GRIN2A: variants seen among roughly 807,000 people sequenced by gnomAD.
GRIN2A encodes the protein glutamate receptor ionotropic, NMDA 2A.
GRIN2A carries 22 observed loss-of-function variants against 113.4 expected under a neutral mutation model. That is an observed-to-expected ratio of 0.19 (90% CI 0.14 to 0.28). The LOEUF is 0.28. GRIN2A is among the 10% of genes least tolerant of loss of function. The pLI is 1.00. For missense variants in GRIN2A, 1,502 were observed against 1,887.0 expected (o/e 0.80, Z 3.78); for synonymous variants, 827 against 738.4 (o/e 1.12, Z -1.94).
chr16:10,165,325 G>A (rs1472810477), intron 2 of GRIN2A, among the ~76,000 whole-genome samples: 1 of 151,724 alleles, frequency 6.6e-6, no homozygotes, highest in Admixed American at 6.6e-5. Context: ...ACAGACTAGA[G>A]GGAAATAAAC....
intron 11 of GRIN2A, among the ~76,000 whole-genome samples, chr16:9,773,093 G>A (rs1292716398): frequency 6.6e-6 from 1 of 151,956 alleles, no homozygotes; most frequent in East Asian, 1.9e-4. Flanking sequence ...CAAGTATATT[G>A]TAATCTCCTG....
chr16:9,985,049 C>G (rs555200582), intron 2 of GRIN2A, among the ~76,000 whole-genome samples: 1 of 152,294 alleles, frequency 6.6e-6, no homozygotes, highest in Non-Finnish European at 1.5e-5. Context: ...CGTGCACACA[C>G]ACACACACCG....
intron 2 of GRIN2A, among the ~76,000 whole-genome samples, chr16:10,076,741 C>T (rs374663490): frequency 6.6e-6 from 1 of 152,172 alleles, no homozygotes; most frequent in Non-Finnish European, 1.5e-5. Context: ...GTCGAGAGCA[C>T]TGTGAACATT....
intron 2 of GRIN2A, among the ~76,000 whole-genome samples, chr16:10,096,573 C>CACACACACACACACAT (rs1555478915): frequency 5.4e-5 from 8 of 149,266 alleles, no homozygotes; most frequent in African/African-American, 2.0e-4. Context: ...CACACACACA[C>CACACACACACACACAT]TTTACTCTCT....
At chr16:10,091,221 A>G (rs1242852187) in intron 2 of GRIN2A, among the ~76,000 whole-genome samples, 1 of 152,248 alleles carries the variant, frequency 6.6e-6, no homozygotes, top group Non-Finnish European at 1.5e-5. Context: ...ATTAAGATAT[A>G]CATCCACACA....
At chr16:10,037,087 A>ACATCCAT (rs1455487042) in intron 2 of GRIN2A, 1 of 151,818 alleles carries the variant, frequency 6.6e-6, no homozygotes, top group African/African-American at 2.4e-5. Context: ...TCTCATAGAC[A>ACATCCAT]CCTCCCTGGA....
intron 2 of GRIN2A, among the ~76,000 whole-genome samples, chr16:10,099,280 T>C (rs1460336582): frequency 6.6e-6 from 1 of 152,178 alleles, no homozygotes; most frequent in Non-Finnish European, 1.5e-5. Flanking sequence ...CTTGGTGTTT[T>C]CATTCCAGAA....
chr16:10,176,564 C>T (rs373694965), intron 2 of GRIN2A, among the ~76,000 whole-genome samples: 18 of 152,172 alleles, frequency 1.2e-4, no homozygotes, highest in African/African-American at 4.1e-4. Flanking sequence ...ACGGATGAAG[C>T]TGGAAACCAT....
chr16:9,837,098 T>G (rs1046524371), intron 7 of GRIN2A, among the ~76,000 whole-genome samples: 1 of 152,166 alleles, frequency 6.6e-6, no homozygotes, highest in Non-Finnish European at 1.5e-5. Flanking sequence ...AAATCAGATT[T>G]TGAATGTTTT....
chr16:9,870,199 TA>T (rs1331934817), intron 4 of GRIN2A, among the ~76,000 whole-genome samples: 1 of 152,234 alleles, frequency 6.6e-6, no homozygotes, highest in East Asian at 1.9e-4. Flanking sequence ...GCCTGGCAAT[TA>T]TTTTTAATTC....
At chr16:9,971,829 C>T (rs549443433) in intron 2 of GRIN2A, among the ~76,000 whole-genome samples, 9 of 151,998 alleles carry the variant, frequency 5.9e-5, no homozygotes, top group Non-Finnish European at 1.0e-4. Context: ...AAAAAATATA[C>T]CTGAAGGCTC....
intron 2 of GRIN2A, among the ~76,000 whole-genome samples, chr16:10,038,636 G>A (rs2047080401): frequency 6.6e-6 from 1 of 151,986 alleles, no homozygotes; most frequent in Admixed American, 6.5e-5. Context: ...GAGGTCAGGA[G>A]ATAGAGATCA....
intron 4 of GRIN2A, among the ~76,000 whole-genome samples, chr16:9,882,512 T>TGTAG (rs2043501250): frequency 6.6e-6 from 1 of 152,062 alleles, no homozygotes; most frequent in Admixed American, 6.6e-5. Flanking sequence ...AGGGGCCGGG[T>TGTAG]GCGGTGCCTC....
At chr16:10,051,391 A>G (rs2047357569) in intron 2 of GRIN2A, among the ~76,000 whole-genome samples, 1 of 152,242 alleles carries the variant, frequency 6.6e-6, no homozygotes, top group Non-Finnish European at 1.5e-5. Flanking sequence ...GTAATAAAAC[A>G]TTGGGAAGAA....
chr16:9,924,738 T>C lies in GRIN2A; in HGVS notation c.1007+13221A>G, dbSNP rs187139389. Among the ~76,000 whole-genome samples the C allele has an allele frequency of 2.4e-3, 362 of 152,368 alleles. 11 individuals carry two copies. The highest frequency in any genetic ancestry group is 0.024 in the Admixed American group (360 of 15,306). On this transcript the variant is annotated intron_variant, in intron 3 of 12. Transcript: ENST00000330684. ...ATTGTGTTTTCTCTAAGAGTTTCAT[T>C]TGGGGAAATTACTTTGTTTTCAAGT...
intron 3 of GRIN2A, among the ~76,000 whole-genome samples, chr16:9,894,254 G>A (rs2043758656): frequency 6.6e-6 from 1 of 152,170 alleles, no homozygotes; most frequent in Admixed American, 6.5e-5. Context: ...GATCCCTGAA[G>A]CCAGATCATA....
intron 2 of GRIN2A, among the ~76,000 whole-genome samples, chr16:10,155,710 C>A (rs1317693299): frequency 6.6e-6 from 1 of 152,104 alleles, no homozygotes; most frequent in Non-Finnish European, 1.5e-5. Flanking sequence ...GCTGGGGAGG[C>A]CTCACAATCA....
At chr16:9,819,362 A>C (rs760742975) in intron 10 of GRIN2A, among the ~76,000 whole-genome samples, 2 of 151,848 alleles carry the variant, frequency 1.3e-5, no homozygotes, top group Non-Finnish European at 2.9e-5. Flanking sequence ...CTCCACACGA[A>C]ACACAAACAT....
intron 5 of GRIN2A, among the ~76,000 whole-genome samples, chr16:9,845,477 C>T (rs2042755933): frequency 6.6e-6 from 1 of 152,150 alleles, no homozygotes; most frequent in Non-Finnish European, 1.5e-5. Flanking sequence ...TTAGACTCTG[C>T]TTTGTGCCAG....
Sources: allele counts gnomAD v4.1 joint callset (sites outside exome capture counted in the v4.1 genomes callset), GRCh38; gene constraint gnomAD v4.1.1; transcripts MANE v1.5; gene names NCBI Gene and HGNC (gene_info 2026-07-23, HGNC 2026-07-21).